The following PKHD1L1 variants were observed in gnomAD, a reference collection of about 807,000 sequenced individuals.
PKHD1L1 encodes fibrocystin-L.
PKHD1L1 carries 434 observed loss-of-function variants against 462.9 expected under a neutral mutation model. The observed-to-expected ratio is 0.94, with a 90% CI of 0.87 to 1.02. The LOEUF (loss-of-function observed/expected upper bound fraction) is 1.02, where lower values mean the gene tolerates loss of function less well. Ranked by LOEUF, PKHD1L1 falls within the 50% of genes least tolerant of loss-of-function variation. The pLI, the probability that PKHD1L1 is intolerant of heterozygous loss-of-function variation, is 0.00. For synonymous variants in PKHD1L1, 1,781 were observed against 1,750.0 expected, an observed-to-expected ratio of 1.02 and a Z score of -0.44; for missense variants, 5,202 against 5,096.1, an observed-to-expected ratio of 1.02 and a Z score of -0.63.
At position 109,406,329 on chromosome 8, in the gene PKHD1L1, T is replaced by A; in HGVS notation, c.1670-6T>A. Reference sequence around the variant, plus strand: ...TGTTTGTTTGTTTGTTTTAATCCAATCAAAGTCTTCCTACCTGCTGATGCT... The same window carrying A: ...TGTTTGTTTGTTTGTTTTAATCCAAACAAAGTCTTCCTACCTGCTGATGCT... On this transcript the variant is annotated splice_polypyrimidine_tract_variant and splice_region_variant and intron_variant, in intron 16 of 77. Coordinates refer to ENST00000378402, the MANE Select transcript of PKHD1L1 (RefSeq NM_177531.6). 1 of 1,543,118 alleles carries A rather than the reference T, an allele frequency of 6.5e-7. No homozygotes were observed. The highest frequency in any genetic ancestry group is 8.7e-7 in the Non-Finnish European group (1 of 1,144,500).
At chr8:109,392,892 AG>A (rs1452240335) in intron 9 of PKHD1L1, among the ~76,000 whole-genome samples, 4 of 152,160 alleles carry the variant, frequency 2.6e-5, no homozygotes, top group Non-Finnish European at 5.9e-5. Context: ...TTCAAACAAC[AG>A]CTGTTCCCAA....
At chr8:109,444,582 T>C in intron 37 of PKHD1L1, 79 bp from the exon 38 acceptor site, 1 of 1,297,688 alleles carries the variant, frequency 7.7e-7, no homozygotes, top group Non-Finnish European at 1.1e-6. Flanking sequence ...TTAAAATTTG[T>C]AGTTGTTGCT....
At chr8:109,407,929 C>G (rs1379365) in intron 17 of PKHD1L1, 120 bp from the exon 18 acceptor site, 1 of 558,464 alleles carries the variant, frequency 1.8e-6, no homozygotes, top group Non-Finnish European at 2.5e-6. Context: ...TAATGGAGCA[C>G]CAAATGAAAC....
intron 41 of PKHD1L1, 89 bp from the exon 42 acceptor site, chr8:109,452,034 TG>T: frequency 2.5e-6 from 3 of 1,186,284 alleles, no homozygotes; most frequent in Admixed American, 3.3e-5. Flanking sequence ...ATTTTTTTTT[TG>T]CAATAATACA....
intron 2 of PKHD1L1, among the ~76,000 whole-genome samples, chr8:109,380,377 C>T (rs1015081885): frequency 1.3e-5 from 2 of 152,134 alleles, no homozygotes; most frequent in Non-Finnish European, 2.9e-5. Flanking sequence ...TACATCCTCT[C>T]TTTCTTACCT....
intron 50 of PKHD1L1, chr8:109,471,069 C>T (rs117843878): frequency 0.024 from 37,838 of 1,569,834 alleles, 547 homozygotes; most frequent in Non-Finnish European, 0.029. Context: ...AAATCTTCTC[C>T]TCAAATTCCT....
At chr8:109,419,772 AAATT>A (rs1814370578) in intron 22 of PKHD1L1, among the ~76,000 whole-genome samples, 1 of 152,178 alleles carries the variant, frequency 6.6e-6, no homozygotes, top group African/African-American at 2.4e-5. Context: ...ATAATAATAA[AAATT>A]AAACTCCACG....
intron 9 of PKHD1L1, among the ~76,000 whole-genome samples, chr8:109,394,058 C>T (rs1300483982): frequency 6.6e-6 from 1 of 151,094 alleles, no homozygotes; most frequent in African/African-American, 2.4e-5. Flanking sequence ...CCTGTAGTCC[C>T]AGCTACTCAG....
Position 109,425,221 on chromosome 8 carries a change from A to G in PKHD1L1, c.2834A>G (p.His945Arg). 6.3e-7 allele frequency: 1 copy of G among 1,598,120 alleles called. No individual in the cohort carries two copies. Among genetic ancestry groups the G allele is most frequent in the Non-Finnish European group, 8.5e-7 (1 of 1,174,642 alleles). Residue 945 changes from histidine (H) to arginine (R), a missense_variant, in exon 24 of 78, where the codon CAT becomes CGT. Coordinates refer to ENST00000378402, the MANE Select transcript of PKHD1L1 (RefSeq NM_177531.6). ...SGSFDIQAYG[H>R]ILKGLPAAVS... is the part of the protein sequence containing the mutation. Reference sequence around the variant, plus strand: ...AGCTTTGACATTCAAGCTTATGGACATATTCTTAAAGGTATATGAAAAAAA... The same window carrying G: ...AGCTTTGACATTCAAGCTTATGGACGTATTCTTAAAGGTATATGAAAAAAA...
chr8:109,430,457 CT>C (rs1478429975), intron 27 of PKHD1L1, among the ~76,000 whole-genome samples: 3 of 152,054 alleles, frequency 2.0e-5, no homozygotes, highest in African/African-American at 7.2e-5. Context: ...AAGACATCTG[CT>C]GTTTCATAAA....
intron 47 of PKHD1L1, among the ~76,000 whole-genome samples, chr8:109,460,553 A>T (rs763494917): frequency 5.3e-5 from 8 of 152,144 alleles, no homozygotes; most frequent in Non-Finnish European, 1.2e-4. Context: ...TGTCCTGTGC[A>T]TCACAAGATG....
chr8:109,463,329 A>T (rs773771414), intron 48 of PKHD1L1, among the ~76,000 whole-genome samples: 30 of 152,134 alleles, frequency 2.0e-4, no homozygotes, highest in Non-Finnish European at 3.1e-4. Context: ...CCATTAAACC[A>T]GGCACACCTC....
At chr8:109,430,106 A>G (rs905014695) in intron 27 of PKHD1L1, 69 bp downstream of exon 27, 15 of 970,516 alleles carry the variant, frequency 1.5e-5, no homozygotes, top group Non-Finnish European at 2.3e-5. Flanking sequence ...TCTGATAATG[A>G]CTTTTAAAAC....
chr8:109,441,932 A>G, intron 34 of PKHD1L1, 75 bp from the exon 35 acceptor site: 1 of 1,284,644 alleles, frequency 7.8e-7, no homozygotes, highest in Non-Finnish European at 1.0e-6. Flanking sequence ...CTGTATATAA[A>G]TTGCCATGTT....
intron 9 of PKHD1L1, among the ~76,000 whole-genome samples, 198 bp downstream of exon 9, chr8:109,390,692 T>C (rs1812671360): frequency 6.6e-6 from 1 of 152,128 alleles, no homozygotes; most frequent in South Asian, 2.1e-4. Context: ...TGTAGGGAAA[T>C]CTAGCATTAA....
chr8:109,439,713 C>T (rs2130733676), intron 32 of PKHD1L1, among the ~76,000 whole-genome samples: 1 of 151,948 alleles, frequency 6.6e-6, no homozygotes, highest in East Asian at 1.9e-4. Flanking sequence ...TTTCTTTTTC[C>T]CTGAAACTGT....
intron 57 of PKHD1L1, 102 bp from the exon 58 acceptor site, chr8:109,484,942 C>T: frequency 1.1e-6 from 1 of 927,566 alleles, no homozygotes; most frequent in African/African-American, 1.7e-5. Flanking sequence ...CCATAATTGC[C>T]AATGAGATAT....
intron 14 of PKHD1L1, among the ~76,000 whole-genome samples, chr8:109,402,836 A>G (rs964057477): frequency 1.3e-5 from 2 of 152,146 alleles, no homozygotes; most frequent in African/African-American, 4.8e-5. Flanking sequence ...GGAGCAAATT[A>G]ATGTTCTCAC....
In PKHD1L1 at chr8:109,532,396, G is replaced by C. The variant is rs1026566867; in HGVS notation, c.*2306G>C. Among the ~76,000 whole-genome samples, 3 of 151,904 alleles carry C rather than the reference G, an allele frequency of 2.0e-5. No homozygotes were observed. The highest frequency in any genetic ancestry group is 7.3e-5 in the African/African-American group (3 of 41,362). On this transcript the variant is annotated 3_prime_UTR_variant, in exon 78 of 78. Transcript: ENST00000378402. ...AAATGCTTGAATTATTGGAATCCAT[G>C]GGCAATACATCTTCACATGTCCCTT...
Sources: gnomAD v4.1 joint callset for allele counts (sites outside exome capture counted in the v4.1 genomes callset) on GRCh38, gnomAD v4.1.1 for gene constraint, MANE v1.5 for transcripts, NCBI Gene and HGNC (gene_info 2026-07-23, HGNC 2026-07-21) for gene names.